Variants in ZNF365 observed in about 807,000 individuals in gnomAD.
ZNF365 encodes the protein zinc finger protein 365, also known as protein ZNF365.
Under a neutral mutation model 35.0 loss-of-function variants are expected in ZNF365, and 22 were observed. That is an observed-to-expected ratio of 0.63 (90% CI 0.45 to 0.90). ZNF365 has a LOEUF of 0.90. Among genes scored for constraint, ZNF365 ranks in the 40% least tolerant of loss-of-function variants. The pLI, the probability that ZNF365 is intolerant of heterozygous loss-of-function variation, is 0.00. For missense variants in ZNF365, 448 were observed against 500.3 expected, an observed-to-expected ratio of 0.90 and a Z score of 1.00; for synonymous variants, 188 against 196.2, an observed-to-expected ratio of 0.96 and a Z score of 0.35.
At chr10:62,441,960 C>A (rs768203509) in intron 3 of ZNF365, among the ~76,000 whole-genome samples, 2 of 152,084 alleles carry the variant, frequency 1.3e-5, no homozygotes, top group Non-Finnish European at 2.9e-5. Flanking sequence ...ATTCCGGAGC[C>A]CCGTCAATCA....
chr10:62,395,112 G>A (rs1392738089), intron 3 of ZNF365, among the ~76,000 whole-genome samples: 1 of 152,104 alleles, frequency 6.6e-6, no homozygotes, highest in African/African-American at 2.4e-5. Context: ...GTGGATTTCT[G>A]GGCTCTCTGT....
At chr10:62,398,638 C>T in intron 3 of ZNF365, 102 bp from the exon 4 acceptor site, 1 of 1,068,454 alleles carries the variant, frequency 9.4e-7, no homozygotes, top group Non-Finnish European at 1.4e-6. Context: ...TCACTGACTC[C>T]CTTAATGGGA....
intron 4 of ZNF365, among the ~76,000 whole-genome samples, chr10:62,477,537 T>C (rs1841152977): frequency 6.6e-6 from 1 of 152,220 alleles, no homozygotes; most frequent in Non-Finnish European, 1.5e-5. Flanking sequence ...TTATGGTGAA[T>C]AATCTTTACA....
intron 4 of ZNF365, among the ~76,000 whole-genome samples, chr10:62,464,020 A>G (rs1045436864): frequency 6.6e-6 from 1 of 152,188 alleles, no homozygotes; most frequent in African/African-American, 2.4e-5. Context: ...TAAAAAAACA[A>G]AAGTCTTTCA....
intron 3 of ZNF365, among the ~76,000 whole-genome samples, chr10:62,391,985 AT>A (rs1306143015): frequency 1.3e-5 from 2 of 152,178 alleles, no homozygotes; most frequent in Non-Finnish European, 2.9e-5. Context: ...TTTGATTTGC[AT>A]TTCCCTGATC....
intron 2 of ZNF365, among the ~76,000 whole-genome samples, chr10:62,382,378 C>T (rs1454253938): frequency 1.3e-5 from 2 of 152,176 alleles, no homozygotes; most frequent in Non-Finnish European, 2.9e-5. Flanking sequence ...ATGGGGTCCT[C>T]TCTTTTCAGG....
chr10:62,376,069 T>C, intron 1 of ZNF365, 112 bp from the exon 2 acceptor site: 5 of 1,173,036 alleles, frequency 4.3e-6, no homozygotes, highest in Non-Finnish European at 6.0e-6. Context: ...AAATATTATG[T>C]GCAAAAGTCA....
Position 62,401,488 on chromosome 10 carries a change from G to C in ZNF365, c.*1699G>C, listed in dbSNP as rs542861879. The C allele has an allele frequency of 2.3e-5, 19 of 842,214 alleles. No homozygotes were observed. In the East Asian group the frequency reaches 3.3e-3, roughly 144 times the overall value. 52.2% of individuals were successfully genotyped at this position (842,214 alleles called of 1,614,324 possible). A position where few individuals can be genotyped will look rare whatever the true frequency, so the allele number is the denominator to read the frequency against. On this transcript the variant is annotated 3_prime_UTR_variant, in exon 5 of 5. Coordinates refer to ENST00000395254, the MANE Select transcript of ZNF365 (RefSeq NM_014951.3). ...TCTTCACTTTGACTTTCAGTTTATG[G>C]GGGGGGTAGATCATTCATGTGATAT...
At chr10:62,415,483 GCTCT>G (rs145819067) in intron 3 of ZNF365, among the ~76,000 whole-genome samples, 1 of 150,596 alleles carries the variant, frequency 6.6e-6, no homozygotes, top group South Asian at 2.1e-4. Flanking sequence ...TGTTCATTGG[GCTCT>G]CTCTCTCTCT....
At position 62,376,765 on chromosome 10, in the gene ZNF365, C is replaced by G; in HGVS notation, c.572C>G (p.Thr191Ser). The G allele has an allele frequency of 1.9e-6, 3 of 1,614,212 alleles. No individual in the cohort carries two copies. The highest frequency in any genetic ancestry group is 2.5e-6 in the Non-Finnish European group (3 of 1,180,046). Residue 191 changes from threonine (T) to serine (S), a missense_variant, in exon 2 of 5, where the codon ACT becomes AGT. Physicochemically the swap from Thr to Ser is moderately conservative, Grantham distance 58. Transcript: ENST00000395254. ...CTCACCAAAGAGTTGGCCCAGAAAA[C>G]TGCGGAACTGTTGGAAGTTCGGGCA... ...DKLTKELAQK[T>S]AELLEVRAAF...
intron 4 of ZNF365, among the ~76,000 whole-genome samples, chr10:62,478,406 T>C (rs9804184): frequency 0.92 from 140,066 of 152,254 alleles, 64,483 homozygotes; most frequent in East Asian, 1. Flanking sequence ...ATTTTCTCCC[T>C]TTAGCCCTTT....
At chr10:62,441,311 C>T (rs1564590872) in intron 3 of ZNF365, among the ~76,000 whole-genome samples, 1 of 152,150 alleles carries the variant, frequency 6.6e-6, no homozygotes, top group Non-Finnish European at 1.5e-5. Flanking sequence ...CCAGGTCCCA[C>T]GTTGTTCATG....
intron 2 of ZNF365, among the ~76,000 whole-genome samples, chr10:62,384,968 T>A (rs1839503214): frequency 6.6e-6 from 1 of 152,240 alleles, no homozygotes; most frequent in Non-Finnish European, 1.5e-5. Context: ...TCATCCAGAC[T>A]GAACAGGATG....
At chr10:62,474,992 T>C (rs1036055503) in intron 4 of ZNF365, among the ~76,000 whole-genome samples, 1 of 152,252 alleles carries the variant, frequency 6.6e-6, no homozygotes, top group Admixed American at 6.5e-5. Flanking sequence ...CGGTTTCCTT[T>C]TGGACAATGC....
chr10:62,479,481 C>T (rs1028516389), intron 4 of ZNF365, among the ~76,000 whole-genome samples: 3 of 152,168 alleles, frequency 2.0e-5, no homozygotes, highest in African/African-American at 7.2e-5. Flanking sequence ...TTGCCCCATA[C>T]CTCTGGCTCA....
chr10:62,461,089 C>A (rs567440330), intron 4 of ZNF365, among the ~76,000 whole-genome samples: 1 of 152,360 alleles, frequency 6.6e-6, no homozygotes, highest in Admixed American at 6.5e-5. Flanking sequence ...GAGAGAGACC[C>A]AAGCTTCCTC....
At chr10:62,406,084 G>A (rs1175818950), downstream of ZNF365, among the ~76,000 whole-genome samples, 1 of 152,126 alleles carries the variant, frequency 6.6e-6, no homozygotes, top group Non-Finnish European at 1.5e-5. Context: ...TTAGTTATTG[G>A]GACGAAGATC....
intron 3 of ZNF365, among the ~76,000 whole-genome samples, chr10:62,424,742 A>G (rs1054697724): frequency 6.6e-6 from 1 of 152,218 alleles, no homozygotes; most frequent in East Asian, 1.9e-4. Context: ...TTATGAGACA[A>G]ATGTTCCATG....
intron 3 of ZNF365, among the ~76,000 whole-genome samples, chr10:62,389,138 G>GT (rs1241614141): frequency 6.6e-6 from 1 of 152,132 alleles, no homozygotes; most frequent in Non-Finnish European, 1.5e-5. Context: ...AGTTTCAGGA[G>GT]TTTAAGAAAC....
Sources: gnomAD v4.1 joint callset for allele counts (sites outside exome capture counted in the v4.1 genomes callset) on GRCh38, gnomAD v4.1.1 for gene constraint, MANE v1.5 for transcripts, NCBI Gene and HGNC (gene_info 2026-07-23, HGNC 2026-07-21) for gene names.